Variants in CHD2 observed in about 807,000 individuals in gnomAD.
The protein encoded by CHD2 is ATP-dependent chromatin remodeler CHD2.
Under a neutral mutation model 243.9 loss-of-function variants are expected in CHD2, and 28 were observed. The observed-to-expected ratio is 0.11, with a 90% confidence interval of 0.09 to 0.16. CHD2 has a LOEUF of 0.16. Among genes scored for constraint, CHD2 ranks in the 10% least tolerant of loss-of-function variants. The probability of loss-of-function intolerance (pLI) is 1.00; values close to 1 mark genes in which losing one functional copy is unlikely to be tolerated. For missense variants in CHD2, 1,386 were observed against 2,209.8 expected (o/e 0.63, Z 7.47); for synonymous variants, 775 against 779.0 (o/e 0.99, Z 0.09).
intron 17 of CHD2, among the ~76,000 whole-genome samples, chr15:92,971,305 C>T (rs569264869): frequency 6.6e-6 from 1 of 152,288 alleles, no homozygotes; most frequent in African/African-American, 2.4e-5. Context: ...TTCCTTTGAG[C>T]GTCATACTGG....
At chr15:92,916,631 G>A (rs2052842093) in intron 2 of CHD2, among the ~76,000 whole-genome samples, 1 of 152,102 alleles carries the variant, frequency 6.6e-6, no homozygotes, top group African/African-American at 2.4e-5. Flanking sequence ...TCAGTTCACT[G>A]CAACCTCCAA....
chr15:92,937,124 A>G (rs945527116), intron 5 of CHD2, among the ~76,000 whole-genome samples: 2 of 152,150 alleles, frequency 1.3e-5, no homozygotes, highest in Non-Finnish European at 2.9e-5. Flanking sequence ...TGGCCTCCCA[A>G]AGTGCTGAGA....
intron 26 of CHD2, among the ~76,000 whole-genome samples, chr15:92,987,156 A>G (rs2054053977): frequency 3.3e-5 from 5 of 152,144 alleles, no homozygotes; most frequent in Admixed American, 3.3e-4. Context: ...TTAATTGTAT[A>G]TATTTTTTAT....
Position 92,985,521 on chromosome 15 carries a change from T to C in CHD2, c.3261T>C (p.Ser1087=), listed in dbSNP as rs1419353095. The C allele has an allele frequency of 2.5e-6, 4 of 1,613,842 alleles. No homozygotes were observed. The highest frequency in any genetic ancestry group is 1.7e-4 in the Middle Eastern group (1 of 6,060). Residue 1087 remains serine, a synonymous_variant, in exon 26 of 39, where the codon TCT becomes TCC. Transcript: ENST00000394196. Reference sequence around the variant, plus strand: ...AGGCTCAGACAAATGACAGTGACTCTGACACTGAGTCTAAGAGGCAGGCCC... The same window carrying C: ...AGGCTCAGACAAATGACAGTGACTCCGACACTGAGTCTAAGAGGCAGGCCC... The part of the protein sequence containing the change: ...TKKAQTNDSD[S]DTESKRQAQR...
chr15:92,949,267 C>T, intron 13 of CHD2, 191 bp downstream of exon 13: 1 of 1,354,594 alleles, frequency 7.4e-7, no homozygotes, highest in South Asian at 1.8e-5. Flanking sequence ...ATGTGTAATA[C>T]CATTTTATTC....
At chr15:92,904,822 C>G in intron 2 of CHD2, 2 of 1,501,460 alleles carry the variant, frequency 1.3e-6, no homozygotes, top group Non-Finnish European at 8.8e-7. Flanking sequence ...AATTTTGTTA[C>G]AATTGACCAA....
intron 2 of CHD2, among the ~76,000 whole-genome samples, chr15:92,906,664 C>T (rs60598951): frequency 0.028 from 3,614 of 128,768 alleles, 82 homozygotes; most frequent in East Asian, 0.09. Flanking sequence ...TATGAGCCAT[C>T]TTTTTTTTTT....
rs142534503 is a variant in CHD2 at position 93,020,107 on chromosome 15, C to T, written c.5002C>T (p.His1668Tyr). Residue 1668 changes from histidine to tyrosine, a missense_variant, in exon 38 of 39, where the codon CAC (histidine) becomes TAC (tyrosine). By Grantham distance (83) the His-to-Tyr change is moderately conservative. Around this residue, in one of 19 missense-constraint regions of CHD2, gnomAD observed 347 missense variants for 341.6 expected, o/e 1.02. Coordinates refer to ENST00000394196, the MANE Select transcript of CHD2 (RefSeq NM_001271.4). ...GSDRHHQYEQ[H>Y]WYKDHHYGDR... is the part of the protein sequence containing the mutation. ...CGACAGGCACCATCAGTATGAGCAG[C>T]ACTGGTACAAGGACCACCATTATGG... 5 of 1,614,130 alleles carry T rather than the reference C, an allele frequency of 3.1e-6. No individual in the cohort carries two copies. The highest frequency in any genetic ancestry group is 2.2e-5 in the South Asian group (2 of 91,072).
At chr15:92,957,440 G>A (rs1173823764) in intron 16 of CHD2, among the ~76,000 whole-genome samples, 1 of 152,170 alleles carries the variant, frequency 6.6e-6, no homozygotes, top group Non-Finnish European at 1.5e-5. Flanking sequence ...TAGCCCTTTA[G>A]ACATCTTATC....
chr15:92,984,197 T>C (rs567615475), intron 24 of CHD2, 133 bp from the exon 25 acceptor site: 1 of 621,220 alleles, frequency 1.6e-6, no homozygotes, highest in African/African-American at 1.9e-5. Flanking sequence ...AGAAAATTGA[T>C]TATCTGATTA....
At chr15:92,905,106 A>G in intron 2 of CHD2, 2 of 1,057,958 alleles carry the variant, frequency 1.9e-6, no homozygotes, top group Admixed American at 4.8e-5. Flanking sequence ...AAAGTGGCAG[A>G]ATACAGCGTT....
At chr15:92,979,816 G>C (rs997236555) in intron 22 of CHD2, among the ~76,000 whole-genome samples, 1 of 151,950 alleles carries the variant, frequency 6.6e-6, no homozygotes, top group African/African-American at 2.4e-5. Context: ...TACTTGGGAG[G>C]CTGAGGCAGG....
chr15:92,912,774 TCCGCCAA>T (rs1391650350), intron 2 of CHD2, among the ~76,000 whole-genome samples: 1 of 147,304 alleles, frequency 6.8e-6, no homozygotes, highest in Non-Finnish European at 1.5e-5. Flanking sequence ...GACCTCGTGA[TCCGCCAA>T]CCTTGTGATC....
intron 34 of CHD2, among the ~76,000 whole-genome samples, chr15:93,007,766 T>C (rs2054339833): frequency 6.6e-6 from 1 of 152,234 alleles, no homozygotes; most frequent in African/African-American, 2.4e-5. Context: ...TTCTGGATAT[T>C]GGTCCCTAAT....
intron 28 of CHD2, among the ~76,000 whole-genome samples, chr15:92,994,610 G>A (rs1385196910): frequency 6.6e-6 from 1 of 152,132 alleles, no homozygotes; most frequent in Non-Finnish European, 1.5e-5. Flanking sequence ...TGTACAGTAT[G>A]TTTTCTATGT....
intron 2 of CHD2, among the ~76,000 whole-genome samples, chr15:92,917,994 C>G (rs910151104): frequency 6.6e-6 from 1 of 152,216 alleles, no homozygotes; most frequent in African/African-American, 2.4e-5. Context: ...CACAAAAACA[C>G]TAAGCTCTGC....
At chr15:92,965,415 G>A (rs1567144464) in intron 16 of CHD2, 1 of 151,808 alleles carries the variant, frequency 6.6e-6, no homozygotes, top group Admixed American at 6.6e-5. Flanking sequence ...AATTAGCCGG[G>A]TGTGATGGTG....
chr15:92,955,488 A>G lies in CHD2; in HGVS notation c.1785A>G (p.Thr595=), dbSNP rs1192477751. The change falls in exon 15 of 39, where the codon ACA becomes ACG. Residue 595 remains threonine, a synonymous_variant. Transcript: ENST00000394196. ...TGAAGTTCAACGCACTTATAACAAC[A>G]TATGAGATCCTCTTGAAAGATAAGG... ...KRLKFNALIT[T]YEILLKDKTV... is the part of the protein sequence containing the mutation. 2 of 1,595,942 alleles carry G rather than the reference A, an allele frequency of 1.3e-6. No individual in the cohort carries two copies. The highest frequency in any genetic ancestry group is 1.7e-6 in the Non-Finnish European group (2 of 1,173,572).
At chr15:92,906,183 C>CT (rs150418796) in intron 2 of CHD2, among the ~76,000 whole-genome samples, 5,155 of 152,208 alleles carry the variant, frequency 0.034, 116 homozygotes, top group South Asian at 0.085. Flanking sequence ...GAGCCTTCTA[C>CT]TTTTTTTCCC....
Sources: allele counts gnomAD v4.1 joint callset (sites outside exome capture counted in the v4.1 genomes callset), GRCh38; gene constraint gnomAD v4.1.1; regional missense constraint gnomAD v4.1.1; transcripts MANE v1.5; gene names NCBI Gene and HGNC (gene_info 2026-07-23, HGNC 2026-07-21).